Variants in PCLO observed in about 807,000 individuals in gnomAD.
PCLO encodes the protein piccolo presynaptic cytomatrix protein.
In PCLO, 82 loss-of-function variants were observed where a neutral mutation model predicts 427.5. The observed-to-expected ratio is 0.19, with a 90% CI of 0.16 to 0.23. The LOEUF is 0.23. Among genes scored for constraint, PCLO ranks in the 10% least tolerant of loss-of-function variants. The pLI, the probability that PCLO is intolerant of heterozygous loss-of-function variation, is 1.00. For missense variants in PCLO, 6,239 were observed against 6,115.9 expected (o/e 1.02, Z -0.67); for synonymous variants, 2,357 against 2,155.4 (o/e 1.09, Z -2.59).
intron 10 of PCLO, among the ~76,000 whole-genome samples, chr7:82,859,859 A>C (rs146341440): frequency 1.7e-4 from 26 of 152,258 alleles, no homozygotes; most frequent in African/African-American, 6.3e-4. Context: ...CTATTAGATA[A>C]ATTTAATAGA....
At chr7:83,088,753 T>G (rs995342582) in intron 3 of PCLO, among the ~76,000 whole-genome samples, 4 of 152,092 alleles carry the variant, frequency 2.6e-5, no homozygotes, top group Non-Finnish European at 1.5e-5. Flanking sequence ...TTTTTTCTCA[T>G]TTTCACCTTC....
At chr7:82,936,484 A>G (rs1794956101) in intron 6 of PCLO, among the ~76,000 whole-genome samples, 1 of 151,338 alleles carries the variant, frequency 6.6e-6, no homozygotes, top group Admixed American at 6.6e-5. Flanking sequence ...ATTCACATTC[A>G]CTAGGATAGT....
chr7:83,099,628 T>C (rs1041473788), intron 3 of PCLO, among the ~76,000 whole-genome samples: 20 of 152,146 alleles, frequency 1.3e-4, no homozygotes, highest in African/African-American at 4.8e-4. Context: ...TGACCTCAGG[T>C]GATCCACCGG....
intron 10 of PCLO, among the ~76,000 whole-genome samples, chr7:82,877,661 T>C (rs1793405253): frequency 6.6e-6 from 1 of 152,242 alleles, no homozygotes; most frequent in East Asian, 1.9e-4. Context: ...ATATTTTTAA[T>C]AATGTGCATT....
intron 6 of PCLO, among the ~76,000 whole-genome samples, chr7:82,938,456 T>C (rs1795006658): frequency 6.6e-6 from 1 of 151,916 alleles, no homozygotes; most frequent in Non-Finnish European, 1.5e-5. Flanking sequence ...TTTCTCTTCC[T>C]TTTAGTCTCT....
At chr7:83,037,214 T>A (rs534146209) in intron 3 of PCLO, among the ~76,000 whole-genome samples, 20 of 152,228 alleles carry the variant, frequency 1.3e-4, no homozygotes, top group African/African-American at 4.3e-4. Context: ...TGCACCAATA[T>A]TGACAGAGGT....
chr7:82,798,963 T>G (rs970415793), intron 22 of PCLO, among the ~76,000 whole-genome samples: 1 of 152,178 alleles, frequency 6.6e-6, no homozygotes, highest in Non-Finnish European at 1.5e-5. Context: ...ACATATTGAC[T>G]CATAAGTTTA....
intron 4 of PCLO, among the ~76,000 whole-genome samples, chr7:82,962,828 G>A (rs1367215789): frequency 6.6e-6 from 1 of 151,888 alleles, no homozygotes; most frequent in African/African-American, 2.4e-5. Context: ...ACTGCCTCAA[G>A]ATATTACTGA....
chr7:82,818,386 C>A (rs1198107853), intron 20 of PCLO, among the ~76,000 whole-genome samples: 2 of 152,118 alleles, frequency 1.3e-5, no homozygotes, highest in African/African-American at 4.8e-5. Context: ...GGACCCGCAG[C>A]CTTTTCTAAT....
At chr7:83,108,211 A>T (rs184841145) in intron 3 of PCLO, among the ~76,000 whole-genome samples, 1 of 152,184 alleles carries the variant, frequency 6.6e-6, no homozygotes, top group Admixed American at 6.5e-5. Flanking sequence ...AGAAGTAAAA[A>T]TCATGATTAA....
intron 9 of PCLO, among the ~76,000 whole-genome samples, chr7:82,896,495 T>C (rs1213164494): frequency 6.6e-6 from 1 of 151,656 alleles, no homozygotes; most frequent in Non-Finnish European, 1.5e-5. Flanking sequence ...GGATGAGGGA[T>C]GTTGGAAGCA....
At chr7:82,911,545 G>C (rs1269287807) in intron 7 of PCLO, among the ~76,000 whole-genome samples, 2 of 151,906 alleles carry the variant, frequency 1.3e-5, no homozygotes, top group African/African-American at 4.8e-5. Flanking sequence ...TACATAAACA[G>C]TTTAATTCTT....
At chr7:83,162,227 G>T in intron 1 of PCLO, 118 bp downstream of exon 1, 1 of 1,218,582 alleles carries the variant, frequency 8.2e-7, no homozygotes, top group South Asian at 1.5e-5. Flanking sequence ...CCACTGGGGA[G>T]AATAAAATGA....
intron 3 of PCLO, among the ~76,000 whole-genome samples, chr7:83,112,772 G>GC (rs1791038222): frequency 6.6e-6 from 1 of 152,104 alleles, no homozygotes; most frequent in African/African-American, 2.4e-5. Context: ...CATTAAATAA[G>GC]TAAAAATTAG....
At chr7:82,959,967 T>C (rs73173226) in intron 4 of PCLO, among the ~76,000 whole-genome samples, 17 of 152,252 alleles carry the variant, frequency 1.1e-4, no homozygotes, top group Non-Finnish European at 2.5e-4. Flanking sequence ...CCCATGGTGG[T>C]GTATCTTGAG....
chr7:83,010,378 G>T (rs889380346), intron 3 of PCLO, among the ~76,000 whole-genome samples: 1 of 151,340 alleles, frequency 6.6e-6, no homozygotes, highest in Non-Finnish European at 1.5e-5. Context: ...CTATTCCTGT[G>T]TATCTCCAAA....
chr7:82,872,760 A>C (rs760607730), intron 10 of PCLO, among the ~76,000 whole-genome samples: 2 of 152,154 alleles, frequency 1.3e-5, no homozygotes, highest in African/African-American at 2.4e-5. Flanking sequence ...GCTTAAATCA[A>C]ACTGCAGCGG....
intron 2 of PCLO, among the ~76,000 whole-genome samples, chr7:83,145,048 G>C (rs376118939): frequency 1.3e-5 from 2 of 152,158 alleles, no homozygotes; most frequent in Non-Finnish European, 2.9e-5. Context: ...AGTGAGAACT[G>C]ATCTCATCTA....
At chr7:83,076,693 T>G (rs6973867) in intron 3 of PCLO, among the ~76,000 whole-genome samples, 114,117 of 147,476 alleles carry the variant, frequency 0.77, 44,898 homozygotes, top group African/African-American at 0.91. Context: ...ACAATGTGCA[T>G]GTTAGTTACA....
Sources: allele counts gnomAD v4.1 joint callset (sites outside exome capture counted in the v4.1 genomes callset), GRCh38; gene constraint gnomAD v4.1.1; transcripts MANE v1.5; gene names NCBI Gene and HGNC (gene_info 2026-07-23, HGNC 2026-07-21).